EFHC2: variants seen among roughly 807,000 people sequenced by gnomAD.
EFHC2 encodes the protein EF-hand domain-containing family member C2.
In EFHC2, 18 loss-of-function variants were observed where a neutral mutation model predicts 52.7. That is an observed-to-expected ratio of 0.34 (90% CI 0.24 to 0.51). The LOEUF is 0.51. EFHC2 is among the 20% of genes least tolerant of loss of function. The pLI, the probability that EFHC2 is intolerant of heterozygous loss-of-function variation, is 0.97. For synonymous variants in EFHC2, 203 were observed against 204.1 expected, an observed-to-expected ratio of 0.99 and a Z score of 0.04; for missense variants, 513 against 562.5, an observed-to-expected ratio of 0.91 and a Z score of 0.89.
rs2036542638 is a variant in EFHC2, at chrX:44,148,609, T to G, written c.*186A>C. 1 of 394,991 alleles carries G rather than the reference T, an allele frequency of 2.5e-6. No homozygotes were observed. The allele number at this position is 394,991 out of a possible 1,213,427, so 32.6% of individuals were successfully genotyped here. ...AAGATGGCATTTTAAATAGTAACAGTACGTCGGCAATGTAACATGATGTTC... is the reference window on the plus strand; with the variant it reads ...AAGATGGCATTTTAAATAGTAACAGGACGTCGGCAATGTAACATGATGTTC... On this transcript the variant is annotated 3_prime_UTR_variant, in exon 15 of 15. Coordinates refer to ENST00000420999, the MANE Select transcript of EFHC2 (RefSeq NM_025184.4).
chrX:44,229,441 G>T (rs894567749), intron 11 of EFHC2, among the ~76,000 whole-genome samples: 1 of 111,936 alleles, frequency 8.9e-6, no homozygotes, highest in Non-Finnish European at 1.9e-5. Context: ...TTGTCCCTCT[G>T]TTCTCATGTA....
chrX:44,307,504 C>G (rs1439434321), intron 2 of EFHC2, among the ~76,000 whole-genome samples: 1 of 111,613 alleles, frequency 9.0e-6, no homozygotes, highest in Non-Finnish European at 1.9e-5. Flanking sequence ...ATGAAGGAAA[C>G]TAACAATAGA....
intron 3 of EFHC2, among the ~76,000 whole-genome samples, chrX:44,271,962 C>T (rs2037620500): frequency 8.9e-6 from 1 of 112,152 alleles, no homozygotes; most frequent in Non-Finnish European, 1.9e-5. Context: ...GACAAATGTT[C>T]AGTTCTTTCA....
At chrX:44,238,842 T>G (rs1235510671) in intron 8 of EFHC2, among the ~76,000 whole-genome samples, 1 of 112,120 alleles carries the variant, frequency 8.9e-6, no homozygotes, top group Non-Finnish European at 1.9e-5. Flanking sequence ...ACTTAACATC[T>G]TGTAAATACT....
intron 7 of EFHC2, 136 bp from the exon 8 acceptor site, chrX:44,242,425 G>T: frequency 3.1e-6 from 2 of 638,666 alleles, no homozygotes; most frequent in Non-Finnish European, 4.5e-6. Flanking sequence ...AAACAAAACA[G>T]CAAAATCCTG....
At chrX:44,192,860 T>C in intron 11 of EFHC2, among the ~76,000 whole-genome samples, 1 of 99,674 alleles carries the variant, frequency 1.0e-5, no homozygotes, top group South Asian at 4.8e-4. Context: ...CTGCTGAGAC[T>C]CTGATATATT....
At chrX:44,151,922 G>A (rs2036573496) in intron 14 of EFHC2, among the ~76,000 whole-genome samples, 1 of 111,749 alleles carries the variant, frequency 8.9e-6, no homozygotes, top group South Asian at 3.7e-4. Flanking sequence ...ATAGCACAGA[G>A]CTAGAATCCA....
chrX:44,245,010 C>G, intron 7 of EFHC2, among the ~76,000 whole-genome samples: 1 of 111,843 alleles, frequency 8.9e-6, no homozygotes, highest in East Asian at 2.8e-4. Context: ...GCTATAAAAT[C>G]TTTAAGAATC....
chrX:44,221,470 A>G (rs934026441), intron 11 of EFHC2, among the ~76,000 whole-genome samples: 3 of 111,860 alleles, frequency 2.7e-5, no homozygotes, highest in Admixed American at 9.5e-5. Context: ...TAGACTCTAC[A>G]CTGTATTTCA....
intron 13 of EFHC2, among the ~76,000 whole-genome samples, chrX:44,173,180 C>T (rs927319832): frequency 2.7e-5 from 3 of 112,285 alleles, no homozygotes; most frequent in Admixed American, 9.4e-5. Context: ...ATCTCCTGAT[C>T]TGAATTTACA....
chrX:44,149,011 T>C, intron 14 of EFHC2, 115 bp from the exon 15 acceptor site: 1 of 613,286 alleles, frequency 1.6e-6, no homozygotes, highest in South Asian at 2.9e-5. Context: ...TTTAGGTTCA[T>C]AAGGACTTTG....
intron 11 of EFHC2, among the ~76,000 whole-genome samples, chrX:44,204,234 CAAAAAAA>C (rs61512189): frequency 3.6e-5 from 2 of 55,468 alleles, no homozygotes; most frequent in Admixed American, 2.2e-4. Context: ...GTAGCAAACC[CAAAAAAA>C]AAAAAAAAAA....
intron 11 of EFHC2, among the ~76,000 whole-genome samples, chrX:44,193,757 T>C (rs1176172220): frequency 9.0e-6 from 1 of 111,633 alleles, no homozygotes; most frequent in Non-Finnish European, 1.9e-5. Flanking sequence ...GTTGTATCCA[T>C]TCTAAATAAA....
chrX:44,253,234 GTT>G (rs35489014), intron 4 of EFHC2, among the ~76,000 whole-genome samples: 26 of 103,062 alleles, frequency 2.5e-4, no homozygotes, highest in African/African-American at 8.8e-4. Context: ...GCTAGCTGCA[GTT>G]TTTTTTTTTT....
In EFHC2 at chrX:44,303,633, T is replaced by TA. The variant is rs202203848; in HGVS notation, c.231+8934dup. 5.5e-3 allele frequency among the ~76,000 whole-genome samples: 498 copies of TA among 91,153 alleles called. 4 individuals are homozygous for TA. The highest frequency in any genetic ancestry group is 0.015 in the African/African-American group (367 of 25,035). 79.2% of individuals were successfully genotyped at this position (91,153 alleles called of 115,157 possible). On this transcript the variant is annotated intron_variant, in intron 2 of 14. Coordinates refer to ENST00000420999, the MANE Select transcript of EFHC2 (RefSeq NM_025184.4). Reference sequence around the variant, plus strand: ...GAATAATAAACTAACTTGTTTAATCTAAAAAAAAAAAAAAAAATCAAGATG... The same window carrying TA: ...GAATAATAAACTAACTTGTTTAATCTAAAAAAAAAAAAAAAAAATCAAGATG...
intron 2 of EFHC2, among the ~76,000 whole-genome samples, chrX:44,289,109 C>G (rs1261738132): frequency 9.0e-6 from 1 of 111,226 alleles, no homozygotes; most frequent in African/African-American, 3.3e-5. Context: ...TTTTCTATCC[C>G]TATCTTGGAT....
Position 44,318,662 on chromosome X carries a change from C to T in EFHC2, c.43-5906G>A, listed in dbSNP as rs899868767. 8.0e-5 allele frequency among the ~76,000 whole-genome samples: 9 copies of T among 111,939 alleles called. No individual in the cohort carries two copies. The East Asian group carries it at 8.4e-4, about 10-fold the overall frequency. On this transcript the variant is annotated intron_variant, in intron 1 of 14. Transcript: ENST00000420999. Reference sequence around the variant, plus strand: ...AGGCCTTCTCTGACCACCAGCCCTTCGTCGTGTACATGCACCATAATATGT... The same window carrying T: ...AGGCCTTCTCTGACCACCAGCCCTTTGTCGTGTACATGCACCATAATATGT...
At chrX:44,300,624 T>C (rs954769806) in intron 2 of EFHC2, among the ~76,000 whole-genome samples, 1 of 111,703 alleles carries the variant, frequency 9.0e-6, no homozygotes, top group African/African-American at 3.3e-5. Flanking sequence ...TAGTGTATAG[T>C]TAAACTTTGA....
intron 11 of EFHC2, among the ~76,000 whole-genome samples, chrX:44,193,362 C>A (rs1449247371): frequency 9.2e-6 from 1 of 108,519 alleles, no homozygotes; most frequent in Non-Finnish European, 1.9e-5. Context: ...CCCTGATCTA[C>A]GTTGGGCACA....
Sources: gnomAD v4.1 joint callset for allele counts (sites outside exome capture counted in the v4.1 genomes callset) on GRCh38, gnomAD v4.1.1 for gene constraint, MANE v1.5 for transcripts, NCBI Gene and HGNC (gene_info 2026-07-23, HGNC 2026-07-21) for gene names.